ADCY4: variants seen among roughly 807,000 people sequenced by gnomAD.
ADCY4 encodes adenylate cyclase type 4.
ADCY4 carries 111 observed loss-of-function variants against 125.5 expected under a neutral mutation model. That is an observed-to-expected ratio of 0.88 (90% CI 0.76 to 1.04). The LOEUF (loss-of-function observed/expected upper bound fraction) is 1.04, where lower values mean the gene tolerates loss of function less well. Among genes scored for constraint, ADCY4 ranks in the 50% least tolerant of loss-of-function variants. ADCY4 has a pLI of 0.00. For synonymous variants in ADCY4, 576 were observed against 586.9 expected (o/e 0.98, Z 0.27); for missense variants, 1,256 against 1,382.9 (o/e 0.91, Z 1.46).
chr14:24,334,896 A>ATAC lies in ADCY4; in HGVS notation c.-245_-244insGTA. On this transcript the variant is annotated 5_prime_UTR_variant, in exon 1 of 25. Transcript: ENST00000418030. ...CTCCTCCCTCAAACCCGGATTGTAG[A>ATAC]GGTGCCCTAGAAAAGCCTCATCGCC... The ATAC allele has an allele frequency of 2.0e-6, 1 of 488,882 alleles. No individual in the cohort carries two copies. The highest frequency in any genetic ancestry group is 3.6e-6 in the Non-Finnish European group (1 of 278,910). 30.3% of individuals were successfully genotyped at this position (488,882 alleles called of 1,614,324 possible). A position where few individuals can be genotyped will look rare whatever the true frequency, so the allele number is the denominator to read the frequency against.
Position 24,322,888 on chromosome 14 carries a change from C to T in ADCY4, c.2342+16G>A, listed in dbSNP as rs1340444733. 6.3e-7 allele frequency: 1 copy of T among 1,579,944 alleles called. No individual in the cohort carries two copies. Among genetic ancestry groups the T allele is most frequent in the Non-Finnish European group, 8.6e-7 (1 of 1,163,048 alleles). ...TCCCAGGGGGCCCGGCACCTCTGTCCAGCAGCTGTGCACACCTGGAGTCCA... is the reference window on the plus strand; with the variant it reads ...TCCCAGGGGGCCCGGCACCTCTGTCTAGCAGCTGTGCACACCTGGAGTCCA... On this transcript the variant is annotated intron_variant, in intron 18 of 24. Coordinates refer to ENST00000418030, the MANE Select transcript of ADCY4 (RefSeq NM_001198568.2).
At chr14:24,330,799 G>C (rs1026189282) in intron 6 of ADCY4, 2 of 544,232 alleles carry the variant, frequency 3.7e-6, no homozygotes, top group Admixed American at 6.6e-5. Context: ...TGGGACATCT[G>C]TGGCGATATT....
At position 24,322,230 on chromosome 14, in the gene ADCY4, G is replaced by A. The variant is rs1437131231; in HGVS notation, c.2428-6C>T. On this transcript the variant is annotated splice_polypyrimidine_tract_variant and splice_region_variant and intron_variant, in intron 19 of 24. Coordinates refer to ENST00000418030, the MANE Select transcript of ADCY4 (RefSeq NM_001198568.2). ...AGGCGGCAGTAGTACTCATTCTGGG[G>A]AGGGTCACCCGGGGCCATGGGGAGA... The A allele has an allele frequency of 6.2e-7, 1 of 1,610,182 alleles. No individual in the cohort carries two copies. The highest frequency in any genetic ancestry group is 1.1e-5 in the South Asian group (1 of 90,816).
Position 24,329,863 on chromosome 14 carries a change from G to T in ADCY4, c.1214C>A (p.Pro405Gln). The change falls in exon 8 of 25, where the codon CCA becomes CAA. Residue 405 changes from proline (P) to glutamine (Q), a missense_variant. Transcript: ENST00000418030. ...TGCCTAGGGCCCTAGGTCTCACCCTGGTACACCGCCTGCCTCCATGTGGTT... is the reference window on the plus strand; with the variant it reads ...TGCCTAGGGCCCTAGGTCTCACCCTTGTACACCGCCTGCCTCCATGTGGTT... ...LANHMEAGGV[P>Q]GRVHITGATL... The T allele has an allele frequency of 1.2e-6, 2 of 1,613,202 alleles. No homozygotes were observed. Among genetic ancestry groups the T allele is most frequent in the Non-Finnish European group, 1.7e-6 (2 of 1,179,474 alleles).
Position 24,332,581 on chromosome 14 carries a change from G to C in ADCY4, c.460C>G (p.Leu154Val). 1.3e-6 allele frequency: 2 copies of C among 1,578,056 alleles called. No homozygotes were observed. Among genetic ancestry groups the C allele is most frequent in the Non-Finnish European group, 1.7e-6 (2 of 1,161,908 alleles). The part of the protein sequence containing the change: ...AGLASSLSHL[L>V]VLGLYLGPQP... Reference sequence around the variant, plus strand: ...GGCCCAAGATACAGCCCGAGGACCAGCAGATGCGAGAGTGAGGAGGCGAGG... The same window carrying C: ...GGCCCAAGATACAGCCCGAGGACCACCAGATGCGAGAGTGAGGAGGCGAGG... The change falls in exon 3 of 25, where the codon CTG becomes GTG. Residue 154 changes from leucine (L) to valine (V), a missense_variant. Physicochemically the swap from Leu to Val is conservative, Grantham distance 32. Coordinates refer to ENST00000418030, the MANE Select transcript of ADCY4 (RefSeq NM_001198568.2).
rs903676393 is a variant in ADCY4 at position 24,319,504 on chromosome 14, G to A, written c.2734-68C>T. On this transcript the variant is annotated intron_variant, in intron 21 of 24. Coordinates refer to ENST00000418030, the MANE Select transcript of ADCY4 (RefSeq NM_001198568.2). The surrounding 1 kb of genome is among the most constrained non-coding windows in gnomAD (Gnocchi z 4.5). ...CTCCATCACCTCTCCCAGAAGCCCA[G>A]CCCCAAGCCTTTGGAGTTAAAGGAT... 32 of 1,511,928 alleles carry A rather than the reference G, an allele frequency of 2.1e-5. No individual in the cohort carries two copies. Among genetic ancestry groups the A allele is most frequent in the Non-Finnish European group, 2.7e-5 (30 of 1,092,484 alleles). The allele number at this position is 1,511,928 out of a possible 1,614,324, so 93.7% of individuals were successfully genotyped here.
intron 8 of ADCY4, 28 bp from the exon 9 acceptor site, chr14:24,329,561 G>A: frequency 6.6e-7 from 1 of 1,506,694 alleles, no homozygotes; most frequent in Non-Finnish European, 8.9e-7. Flanking sequence ...GTAGGGGTCA[G>A]CAGGGAGGGC....
rs754957128 is a variant in ADCY4, at chr14:24,331,795, T to A, written c.662A>T (p.Lys221Met). 1 of 1,582,660 alleles carries A rather than the reference T, an allele frequency of 6.3e-7. No individual in the cohort carries two copies. The highest frequency in any genetic ancestry group is 1.7e-5 in the Admixed American group (1 of 57,972). ...HSRRRLDTEK[K>M]HQEHLLLSIL... The stretch of plus-strand genomic sequence containing the variant: ...TTCCTAGGCCCGGCTGACCTGGTGC[T>A]TCTTCTCGGTGTCCAGCCGCCGGCG... The change falls in exon 4 of 25, where the codon AAG becomes ATG. Residue 221 changes from lysine (K) to methionine (M), a missense_variant. By Grantham distance (95) the Lys-to-Met change is moderately conservative. Coordinates refer to ENST00000418030, the MANE Select transcript of ADCY4 (RefSeq NM_001198568.2).
intron 16 of ADCY4, chr14:24,323,748 T>A: frequency 1.3e-6 from 1 of 759,762 alleles, no homozygotes; most frequent in Non-Finnish European, 1.6e-6. Context: ...GGTGGGTGAT[T>A]CCCAGGTGCC....
In ADCY4 at chr14:24,331,210, G is replaced by C; in HGVS notation, c.816C>G (p.Val272=). The C allele has an allele frequency of 6.2e-7, 1 of 1,614,160 alleles. No homozygotes were observed. Among genetic ancestry groups the C allele is most frequent in the Non-Finnish European group, 8.5e-7 (1 of 1,180,026 alleles). Residue 272 remains valine (V), a splice_region_variant and synonymous_variant, in exon 5 of 25, where the codon GTC becomes GTG. Coordinates refer to ENST00000418030, the MANE Select transcript of ADCY4 (RefSeq NM_001198568.2). The stretch of plus-strand genomic sequence containing the variant: ...CCTCCAGCCATTCTTCCTCATACCT[G>C]ACTCCCTGGTGCCTCTTGACATAGA... ...HSLYVKRHQG[V]SVLYADIVGF...
intron 14 of ADCY4, among the ~76,000 whole-genome samples, chr14:24,324,638 G>A (rs1474543686): frequency 1.3e-5 from 2 of 152,206 alleles, no homozygotes; most frequent in Non-Finnish European, 2.9e-5. Flanking sequence ...TCACAAGAAT[G>A]GCTGAGGCTA....
rs1261839136 is a variant in ADCY4, at chr14:24,323,005, G to GAGC, written c.2238_2240dup (p.Leu749dup). 1 of 1,614,058 alleles carries GAGC rather than the reference G, an allele frequency of 6.2e-7. No individual in the cohort carries two copies. Among genetic ancestry groups the GAGC allele is most frequent in the African/African-American group, 1.3e-5 (1 of 74,928 alleles). On this transcript the variant is annotated inframe_insertion, in exon 18 of 25. Coordinates refer to ENST00000418030, the MANE Select transcript of ADCY4 (RefSeq NM_001198568.2). ...AGCAGGATGCCGCCAGCCACAGCAG[G>GAGC]AGCAGCAGCAGCTTCAGCTCGAAGC...
Position 24,330,210 on chromosome 14 carries a change from A to T in ADCY4, c.1016T>A (p.Ile339Asn), listed in dbSNP as rs758215706. ...GTCCAGGCCCATGCGCACGCAGTTG[A>T]TGGCATGGTCTGGCAGTGAGAGTGG... ...GLPLSLPDHA[I>N]NCVRMGLDMC... is the part of the protein sequence containing the mutation. The change falls in exon 7 of 25, where the codon ATC (isoleucine) becomes AAC (asparagine). Residue 339 changes from isoleucine to asparagine, a missense_variant. Coordinates refer to ENST00000418030, the MANE Select transcript of ADCY4 (RefSeq NM_001198568.2). The T allele has an allele frequency of 1.2e-6, 2 of 1,614,176 alleles. No homozygotes were observed. The highest frequency in any genetic ancestry group is 1.7e-6 in the Non-Finnish European group (2 of 1,180,036).
At chr14:24,323,574 C>T (rs1421915995) in intron 16 of ADCY4, 120 bp from the exon 17 acceptor site, 1 of 1,472,326 alleles carries the variant, frequency 6.8e-7, no homozygotes, top group Admixed American at 2.4e-5. Flanking sequence ...GGGGTGGATC[C>T]TGCTATTTCT....
Position 24,325,293 on chromosome 14 carries a change from A to G in ADCY4, c.1823+84T>C, listed in dbSNP as rs2041924513. 4.3e-6 allele frequency: 5 copies of G among 1,153,520 alleles called. No individual in the cohort carries two copies. In the South Asian group the frequency reaches 5.1e-5, roughly 12 times the overall value. The allele number at this position is 1,153,520 out of a possible 1,614,324, so 71.5% of individuals were successfully genotyped here. On this transcript the variant is annotated intron_variant, in intron 14 of 24. Coordinates refer to ENST00000418030, the MANE Select transcript of ADCY4 (RefSeq NM_001198568.2). ...GCCTGAAGCTAAGGGGAAGGGGTGA[A>G]GGAAGAAAGTGTGGCCCGGGGTCAT...
At position 24,330,958 on chromosome 14, in the gene ADCY4, G is replaced by A. The variant is rs190414982; in HGVS notation, c.930+60C>T. The A allele has an allele frequency of 6.0e-3, 8,798 of 1,476,388 alleles. 43 individuals carry two copies. The highest frequency in any genetic ancestry group is 6.8e-3 in the Non-Finnish European group (7,423 of 1,088,518). The allele number at this position is 1,476,388 out of a possible 1,614,324, so 91.5% of individuals were successfully genotyped here. ...TATAAGGTGGGAGTTTCCCTTGGAAGGGGCTACCCAGGATGGGATGTTTGA... is the reference window on the plus strand; with the variant it reads ...TATAAGGTGGGAGTTTCCCTTGGAAAGGGCTACCCAGGATGGGATGTTTGA... On this transcript the variant is annotated intron_variant, in intron 6 of 24. Coordinates refer to ENST00000418030, the MANE Select transcript of ADCY4 (RefSeq NM_001198568.2).
In ADCY4 at chr14:24,322,219, CTCAT is replaced by C; in HGVS notation, c.2429_2432del (p.Asn810SerfsTer14). 6.2e-7 allele frequency: 1 copy of C among 1,612,790 alleles called. No homozygotes were observed. Among genetic ancestry groups the C allele is most frequent in the Non-Finnish European group, 8.5e-7 (1 of 1,179,108 alleles). The stretch of plus-strand genomic sequence containing the variant: ...ACAGGAAGTCCAGGCGGCAGTAGTA[CTCAT>C]TCTGGGGAGGGTCACCCGGGGCCAT... On this transcript the variant is annotated frameshift_variant and splice_region_variant, in exon 20 of 25. Transcript: ENST00000418030. LOFTEE classifies it high-confidence loss of function.
rs1375459679 is a variant in ADCY4, at chr14:24,330,248, A to G, written c.978T>C (p.Cys326=). 5 of 1,614,198 alleles carry G rather than the reference A, an allele frequency of 3.1e-6. No individual in the cohort carries two copies. The highest frequency in any genetic ancestry group is 4.2e-6 in the Non-Finnish European group (5 of 1,180,028). The change falls in exon 7 of 25, where the codon TGT becomes TGC. Residue 326 remains cysteine (C), a synonymous_variant. Coordinates refer to ENST00000418030, the MANE Select transcript of ADCY4 (RefSeq NM_001198568.2). ...GCAGTGAGAGTGGCAGCCCAGAGAC[A>G]CAGTAGTAACAGTCCCCCAGGATCT... ...RIKILGDCYY[C]VSGLPLSLPD...
At chr14:24,333,124 A>G in intron 1 of ADCY4, 136 bp from the exon 2 acceptor site, 1 of 795,308 alleles carries the variant, frequency 1.3e-6, no homozygotes, top group Non-Finnish European at 1.8e-6. Flanking sequence ...GAGGCAAGGC[A>G]CCTCCGCTTG....
Sources: allele counts gnomAD v4.1 joint callset (sites outside exome capture counted in the v4.1 genomes callset), GRCh38; gene constraint gnomAD v4.1.1; non-coding constraint Gnocchi (gnomAD v3.1); transcripts MANE v1.5; gene names NCBI Gene and HGNC (gene_info 2026-07-23, HGNC 2026-07-21).